The following EXD3 variants were observed in gnomAD, a reference collection of about 807,000 sequenced individuals.
EXD3 encodes the protein exonuclease 3'-5' domain containing 3.
EXD3 carries 92 observed loss-of-function variants against 98.0 expected under a neutral mutation model. The ratio of observed to expected loss-of-function variants is 0.94; its 90% CI spans 0.79 to 1.12. EXD3 has a LOEUF of 1.12. Among genes scored for constraint, EXD3 ranks in the 50% most tolerant of loss-of-function variants. The pLI is 0.00. For synonymous variants in EXD3, 569 were observed against 526.0 expected, an observed-to-expected ratio of 1.08 and a Z score of -1.12; for missense variants, 1,222 against 1,191.6, an observed-to-expected ratio of 1.03 and a Z score of -0.38.
Position 137,330,649 on chromosome 9 carries a change from C to T in EXD3, c.1999-6506G>A, listed in dbSNP as rs111686424. ...ACTACACAGGACTACACAGGAGCTA[C>T]ACAGGACTGATGGACTTCTCGAGGG... On this transcript the variant is annotated intron_variant, in intron 17 of 21. Transcript: ENST00000340951. Among the ~76,000 whole-genome samples the T allele has an allele frequency of 2.9e-4, 40 of 137,970 alleles. 2 individuals are homozygous for T. The highest frequency in any genetic ancestry group is 7.2e-4 in the African/African-American group (25 of 34,634). The allele number at this position is 137,970 out of a possible 152,430, so 90.5% of individuals were successfully genotyped here.
At chr9:137,362,293 C>T (rs1835028970) in intron 7 of EXD3, among the ~76,000 whole-genome samples, 1 of 152,082 alleles carries the variant, frequency 6.6e-6, no homozygotes, top group South Asian at 2.1e-4. Flanking sequence ...ATAAAAGTTA[C>T]CCCAAAGGAA....
At chr9:137,363,337 T>C (rs1258500386) in intron 7 of EXD3, among the ~76,000 whole-genome samples, 2 of 5,646 alleles carry the variant, frequency 3.5e-4, no homozygotes, top group Non-Finnish European at 3.8e-4. Context: ...GCAATTTCCT[T>C]TTTTTTTTTT....
chr9:137,375,474 G>GAGTTCTAACTCTAGCA lies in EXD3; in HGVS notation c.121-1876_121-1875insTGCTAGAGTTAGAACT, dbSNP rs1200909281. Among the ~76,000 whole-genome samples the GAGTTCTAACTCTAGCA allele has an allele frequency of 6.0e-4, 92 of 152,166 alleles. 1 individual carries two copies. The South Asian group carries it at 0.015, about 24-fold the overall frequency. ...AGCTCTAGCGAGTTCTAACTCTAGC[G>GAGTTCTAACTCTAGCA]AGTTCTAGGTCTAGTGAGTCCTAGC... On this transcript the variant is annotated intron_variant, in intron 3 of 21. Coordinates refer to ENST00000340951, the MANE Select transcript of EXD3 (RefSeq NM_017820.5).
At chr9:137,378,328 C>A (rs1337256360) in intron 3 of EXD3, among the ~76,000 whole-genome samples, 2 of 152,160 alleles carry the variant, frequency 1.3e-5, no homozygotes, top group Non-Finnish European at 2.9e-5. Flanking sequence ...CCTGCCTCAG[C>A]CTCGCAAATA....
In EXD3 at chr9:137,351,536, CAG is replaced by C; in HGVS notation, c.1174-10_1174-9del. ...ACCAACCACTTGGTGGCACTGCGGGCAGAGAGGGGCAGATGTGATCATCAGGG... is the reference window on the plus strand; with the variant it reads ...ACCAACCACTTGGTGGCACTGCGGGCAGAGGGGCAGATGTGATCATCAGGG... On this transcript the variant is annotated splice_polypyrimidine_tract_variant and intron_variant, in intron 12 of 21. Coordinates refer to ENST00000340951, the MANE Select transcript of EXD3 (RefSeq NM_017820.5). 1.3e-6 allele frequency: 2 copies of C among 1,570,634 alleles called. No individual in the cohort carries two copies. The highest frequency in any genetic ancestry group is 1.7e-6 in the Non-Finnish European group (2 of 1,159,184).
chr9:137,356,172 C>G, intron 8 of EXD3, 96 bp downstream of exon 8: 1 of 937,556 alleles, frequency 1.1e-6, no homozygotes. Flanking sequence ...TGGTTGGCAC[C>G]TGAACAACGG....
chr9:137,403,875 G>A lies in EXD3; in HGVS notation c.-47-8471C>T, dbSNP rs1007782780. Among the ~76,000 whole-genome samples, 28 of 152,236 alleles carry A rather than the reference G, an allele frequency of 1.8e-4. No homozygotes were observed. The highest frequency in any genetic ancestry group is 6.8e-4 in the African/African-American group (28 of 41,464). Reference sequence around the variant, plus strand: ...GAAGACAGACCTGTGGGATAGGGATGGGTCCCGAGGCGGGGCAGTCACACC... The same window carrying A: ...GAAGACAGACCTGTGGGATAGGGATAGGTCCCGAGGCGGGGCAGTCACACC... On this transcript the variant is annotated intron_variant, in intron 1 of 21. Coordinates refer to ENST00000340951, the MANE Select transcript of EXD3 (RefSeq NM_017820.5). The surrounding 1 kb of genome is among the most constrained non-coding windows in gnomAD (Gnocchi z 6.1).
intron 1 of EXD3, among the ~76,000 whole-genome samples, chr9:137,413,968 G>A (rs1171512492): frequency 1.1e-4 from 17 of 148,726 alleles, no homozygotes; most frequent in Non-Finnish European, 3.0e-5. Context: ...TCAGGCTGGA[G>A]TGCAGTGGTG....
At chr9:137,411,982 C>T (rs915505340) in intron 1 of EXD3, among the ~76,000 whole-genome samples, 2 of 152,164 alleles carry the variant, frequency 1.3e-5, no homozygotes, top group African/African-American at 4.8e-5. Context: ...GGGCGGGAGG[C>T]GGCAAGAGAG....
Position 137,351,946 on chromosome 9 carries a change from C to A in EXD3, c.1173+120G>T. 6.1e-6 allele frequency: 8 copies of A among 1,316,878 alleles called. No homozygotes were observed. In the South Asian group the frequency reaches 1.0e-4, roughly 17 times the overall value. 81.6% of individuals were successfully genotyped at this position (1,316,878 alleles called of 1,614,324 possible). A position where few individuals can be genotyped will look rare whatever the true frequency, so the allele number is the denominator to read the frequency against. ...CTGCCCTCACAGCAGCCCTGGGGCACCTGGCGGGCTCATGCCCAGAGGCCT... is the reference window on the plus strand; with the variant it reads ...CTGCCCTCACAGCAGCCCTGGGGCAACTGGCGGGCTCATGCCCAGAGGCCT... On this transcript the variant is annotated intron_variant, in intron 12 of 21. Coordinates refer to ENST00000340951, the MANE Select transcript of EXD3 (RefSeq NM_017820.5).
At chr9:137,341,099 C>A (rs780650935) in intron 17 of EXD3, among the ~76,000 whole-genome samples, 1 of 152,118 alleles carries the variant, frequency 6.6e-6, no homozygotes, top group Non-Finnish European at 1.5e-5. Flanking sequence ...GAGGGTCGCT[C>A]GAGGCCAGGA....
chr9:137,398,179 G>A (rs1243803829), intron 1 of EXD3, among the ~76,000 whole-genome samples: 1 of 152,202 alleles, frequency 6.6e-6, no homozygotes, highest in Non-Finnish European at 1.5e-5. Flanking sequence ...GAACGAGGGG[G>A]AAAGACAGAA....
chr9:137,367,038 C>A (rs1340858621), intron 6 of EXD3, among the ~76,000 whole-genome samples: 1 of 152,250 alleles, frequency 6.6e-6, no homozygotes, highest in East Asian at 1.9e-4. Context: ...CTCCAAGAGG[C>A]CCTGAGGGAG....
rs534223208 is a variant in EXD3, at chr9:137,414,073, C to A, written c.-48+9041G>T. 2.6e-5 allele frequency among the ~76,000 whole-genome samples: 4 copies of A among 152,214 alleles called. No individual in the cohort carries two copies. The East Asian group carries it at 7.7e-4, about 29-fold the overall frequency. ...CTGGGACTACAGGCGTCCGCCACCA[C>A]GCCCGGCTAATTTTTGTATTTTTAG... On this transcript the variant is annotated intron_variant, in intron 1 of 21. Coordinates refer to ENST00000340951, the MANE Select transcript of EXD3 (RefSeq NM_017820.5).
intron 1 of EXD3, among the ~76,000 whole-genome samples, chr9:137,414,152 C>T (rs1217960834): frequency 1.3e-5 from 2 of 152,128 alleles, no homozygotes; most frequent in Non-Finnish European, 2.9e-5. Flanking sequence ...CTCCTGACCT[C>T]GTGATCCACC....
In EXD3 at chr9:137,354,763, G is replaced by T; in HGVS notation, c.768C>A (p.Pro256=). The part of the protein sequence containing the change: ...ERYGVAPALC[P]NAAIQQRLAA... ...CCAGGCGCTGCTGAATGGCCGCGTT[G>T]GGACACAGCGCTGAAAGGAAAGGCC... Residue 256 remains proline, a synonymous_variant, in exon 9 of 22, where the codon CCC becomes CCA. Coordinates refer to ENST00000340951, the MANE Select transcript of EXD3 (RefSeq NM_017820.5). 1 of 1,609,772 alleles carries T rather than the reference G, an allele frequency of 6.2e-7. No homozygotes were observed.
intron 19 of EXD3, among the ~76,000 whole-genome samples, chr9:137,310,036 G>A (rs1203679957): frequency 9.8e-5 from 15 of 152,366 alleles, no homozygotes; most frequent in Admixed American, 9.1e-4. Context: ...CTCAGCTGGC[G>A]TGTTGGACAC....
rs1588247986 is a variant in EXD3, at chr9:137,324,002, A to C, written c.2052+88T>G. ...GGCGCTGGGGGTCGGCCCCACGGCA[A>C]GCTGACCCTGAGGTGGGGGTGGCCG... On this transcript the variant is annotated intron_variant, in intron 18 of 21. Transcript: ENST00000340951. This position sits in a 1 kb window ranked among gnomAD's most constrained non-coding sequence, Gnocchi z 4.1. 2.0e-6 allele frequency: 3 copies of C among 1,533,106 alleles called. No homozygotes were observed. In the East Asian group the frequency reaches 7.3e-5, roughly 37 times the overall value. 95.0% of individuals were successfully genotyped at this position (1,533,106 alleles called of 1,614,324 possible).
chr9:137,350,890 C>T, intron 14 of EXD3, 148 bp downstream of exon 14: 1 of 654,288 alleles, frequency 1.5e-6, no homozygotes, highest in Non-Finnish European at 2.6e-6. Context: ...CTGCCAGGCT[C>T]TGCTCTGGGG....
Sources: gnomAD v4.1 joint callset for allele counts (sites outside exome capture counted in the v4.1 genomes callset) on GRCh38, gnomAD v4.1.1 for gene constraint, Gnocchi (gnomAD v3.1) non-coding constraint, MANE v1.5 for transcripts, NCBI Gene and HGNC (gene_info 2026-07-23, HGNC 2026-07-21) for gene names.